ANAPC5: variants seen among roughly 807,000 people sequenced by gnomAD.
The protein encoded by ANAPC5 is anaphase promoting complex subunit 5.
A neutral mutation model predicts 91.3 loss-of-function variants in ANAPC5; 60 were observed. That is an observed-to-expected ratio of 0.66 (90% confidence interval 0.53 to 0.81). The LOEUF is 0.81. Among genes scored for constraint, ANAPC5 ranks in the 40% least tolerant of loss-of-function variants. The pLI is 0.00. For missense variants in ANAPC5, 690 were observed against 931.5 expected, an observed-to-expected ratio of 0.74 and a Z score of 3.37; for synonymous variants, 340 against 364.1, an observed-to-expected ratio of 0.93 and a Z score of 0.75.
chr12:121,331,993 T>C (rs573098473), intron 7 of ANAPC5: 2 of 152,118 alleles, frequency 1.3e-5, no homozygotes, highest in African/African-American at 2.4e-5. Context: ...CTCACCACCA[T>C]GCTTGGTCGG....
At chr12:121,328,178 T>A (rs1465045148) in intron 10 of ANAPC5, 138 bp downstream of exon 10, 2 of 775,272 alleles carry the variant, frequency 2.6e-6, no homozygotes, top group African/African-American at 3.5e-5. Context: ...TGTTTTATAG[T>A]CTAAAACATA....
At chr12:121,338,827 T>C (rs909148312) in intron 5 of ANAPC5, among the ~76,000 whole-genome samples, 3 of 152,046 alleles carry the variant, frequency 2.0e-5, no homozygotes, top group Non-Finnish European at 2.9e-5. Context: ...ATACATATTA[T>C]ATAAATTTAC....
intron 10 of ANAPC5, 93 bp downstream of exon 10, chr12:121,328,223 T>C: frequency 8.7e-7 from 1 of 1,151,418 alleles, no homozygotes; most frequent in Non-Finnish European, 1.3e-6. Flanking sequence ...CCAAGGCAGG[T>C]AAATCTTGTA....
In ANAPC5 at chr12:121,347,025, T is replaced by A. The variant is rs1903694333; in HGVS notation, c.288-20A>T. 6.5e-7 allele frequency: 1 copy of A among 1,533,810 alleles called. No individual in the cohort carries two copies. The highest frequency in any genetic ancestry group is 2.3e-5 in the East Asian group (1 of 43,748). On this transcript the variant is annotated intron_variant, in intron 2 of 16. Coordinates refer to ENST00000261819, the MANE Select transcript of ANAPC5 (RefSeq NM_016237.5). ...TTGATTCTGAATGAGAAAATCGAGG[T>A]GCATATTTTAGAAAGGCCCTTTGAA...
intron 15 of ANAPC5, among the ~76,000 whole-genome samples, chr12:121,315,874 A>T (rs1008644017): frequency 6.6e-6 from 1 of 152,200 alleles, no homozygotes; most frequent in Non-Finnish European, 1.5e-5. Context: ...GAAAATCTTC[A>T]TGACATTAGA....
At chr12:121,319,606 A>G in intron 13 of ANAPC5, 91 bp downstream of exon 13, 1 of 1,343,184 alleles carries the variant, frequency 7.4e-7, no homozygotes, top group Admixed American at 2.9e-5. Context: ...GTTTTTTTCT[A>G]AGCTAAAATA....
At chr12:121,350,680 C>CAAAAAA (rs11457183) in intron 1 of ANAPC5, among the ~76,000 whole-genome samples, 2 of 133,398 alleles carry the variant, frequency 1.5e-5, no homozygotes, top group Non-Finnish European at 1.6e-5. Flanking sequence ...GACTCCGTCT[C>CAAAAAA]AAAAAAAAAA....
rs782710597 is a variant in ANAPC5, at chr12:121,335,540, C to T, written c.943G>A (p.Gly315Ser). The T allele has an allele frequency of 6.4e-5, 102 of 1,599,732 alleles. No homozygotes were observed. Among genetic ancestry groups the T allele is most frequent in the Non-Finnish European group, 7.5e-5 (88 of 1,170,080 alleles). Residue 315 changes from glycine (G) to serine (S), a missense_variant, in exon 7 of 17, where the codon GGT becomes AGT. By Grantham distance (56) the Gly-to-Ser change is moderately conservative. Transcript: ENST00000261819. ...AAAGGTCTATAAACTTACTAGTGAC[C>T]GAAGCGGCAGTGCAGGGCGGCAAGA... ...LNLAALHCRF[G>S]HYQQAELALQ...
At chr12:121,326,574 G>A (rs1026333863) in intron 11 of ANAPC5, 3 of 152,220 alleles carry the variant, frequency 2.0e-5, no homozygotes, top group Admixed American at 1.3e-4. Flanking sequence ...GGTTTCGGTT[G>A]GAGACCTGCC....
intron 1 of ANAPC5, 146 bp downstream of exon 1, chr12:121,351,988 G>C: frequency 1.3e-6 from 1 of 755,870 alleles, no homozygotes; most frequent in Non-Finnish European, 2.0e-6. Flanking sequence ...GTTAGCTACC[G>C]GTAGTAGCTA....
chr12:121,346,127 C>A, intron 3 of ANAPC5, 96 bp from the exon 4 acceptor site: 1 of 1,006,812 alleles, frequency 9.9e-7, no homozygotes, highest in South Asian at 1.7e-5. Flanking sequence ...TGCTGGAATT[C>A]TTCCTTCAGA....
intron 8 of ANAPC5, 185 bp from the exon 9 acceptor site, chr12:121,330,857 T>C: frequency 1.9e-6 from 1 of 525,908 alleles, no homozygotes; most frequent in African/African-American, 1.9e-5. Context: ...AAAACCAGGC[T>C]GAAATAAATG....
At chr12:121,309,384 G>C (rs1593568910) in intron 16 of ANAPC5, among the ~76,000 whole-genome samples, 2 of 151,750 alleles carry the variant, frequency 1.3e-5, no homozygotes, top group African/African-American at 2.4e-5. Context: ...GTTGCAGTGA[G>C]CCGAGATCAC....
chr12:121,317,940 G>A (rs1372561424), intron 15 of ANAPC5: 2 of 188,384 alleles, frequency 1.1e-5, no homozygotes, highest in African/African-American at 4.7e-5. Flanking sequence ...GAACATCTGT[G>A]TTCCTCATTT....
At chr12:121,316,842 C>G (rs1421870572) in intron 15 of ANAPC5, among the ~76,000 whole-genome samples, 2 of 151,680 alleles carry the variant, frequency 1.3e-5, no homozygotes, top group Non-Finnish European at 2.9e-5. Context: ...GACTCAAATG[C>G]CCATCAGCTG....
intron 15 of ANAPC5, chr12:121,317,960 C>T (rs369174498): frequency 8.5e-5 from 18 of 210,884 alleles, no homozygotes; most frequent in Middle Eastern, 1.6e-3. Flanking sequence ...TCTTTATTCA[C>T]ATCCCCTTGT....
At chr12:121,330,940 T>A in intron 8 of ANAPC5, 2 of 439,844 alleles carry the variant, frequency 4.5e-6, no homozygotes, top group Non-Finnish European at 8.3e-6. Context: ...AGCTCCCATA[T>A]GGCCTTCAAT....
Position 121,347,864 on chromosome 12 carries a change from C to T in ANAPC5, c.225G>A (p.Leu75=), listed in dbSNP as rs1555274846. Residue 75 remains leucine (L), a synonymous_variant, in exon 2 of 17, where the codon CTG becomes CTA. Transcript: ENST00000261819. The part of the protein sequence containing the change: ...LPLLQGPDIT[L]SKLYKLIEES... ...CTTCAATTAACTTGTAAAGTTTTGA[C>T]AGTGTAATATCTGGGCCCTGTGTAA... is the stretch of plus-strand genomic sequence containing the variant. 6.2e-7 allele frequency: 1 copy of T among 1,613,212 alleles called. No individual in the cohort carries two copies. Among genetic ancestry groups the T allele is most frequent in the South Asian group, 1.1e-5 (1 of 91,066 alleles).
chr12:121,317,116 G>T (rs1048519225), intron 15 of ANAPC5, among the ~76,000 whole-genome samples: 1 of 152,092 alleles, frequency 6.6e-6, no homozygotes, highest in African/African-American at 2.4e-5. Flanking sequence ...TGCTTAATGG[G>T]TACAGTTTCC....
Sources: allele counts gnomAD v4.1 joint callset (sites outside exome capture counted in the v4.1 genomes callset), GRCh38; gene constraint gnomAD v4.1.1; transcripts MANE v1.5; gene names NCBI Gene and HGNC (gene_info 2026-07-23, HGNC 2026-07-21).